PPP2R3A: variants seen among roughly 807,000 people sequenced by gnomAD.
PPP2R3A encodes the protein protein phosphatase 2 regulatory subunit B''alpha.
In PPP2R3A, 80 loss-of-function variants were observed where a neutral mutation model predicts 106.9. That is an observed-to-expected ratio of 0.75 (90% CI 0.62 to 0.90). The LOEUF (loss-of-function observed/expected upper bound fraction) is 0.90. Ranked by LOEUF, PPP2R3A falls within the 40% of genes least tolerant of loss-of-function variation. PPP2R3A has a pLI of 0.00. For synonymous variants in PPP2R3A, 483 were observed against 468.3 expected (o/e 1.03, Z -0.41); for missense variants, 1,386 against 1,350.4 (o/e 1.03, Z -0.41).
chr3:136,049,225 A>T, intron 4 of PPP2R3A, 34 bp from the exon 5 acceptor site: 3 of 1,476,576 alleles, frequency 2.0e-6, no homozygotes, highest in Non-Finnish European at 2.8e-6. Flanking sequence ...TGTTCAGAGG[A>T]ACTAATCTTC....
chr3:135,992,746 C>T (rs962873216), intron 1 of PPP2R3A, among the ~76,000 whole-genome samples: 1 of 151,806 alleles, frequency 6.6e-6, no homozygotes, highest in Non-Finnish European at 1.5e-5. Flanking sequence ...GTGAAGAGAC[C>T]GGAGTTAAAG....
At chr3:136,122,113 C>T (rs1938017663) in intron 13 of PPP2R3A, among the ~76,000 whole-genome samples, 1 of 152,024 alleles carries the variant, frequency 6.6e-6, no homozygotes, top group African/African-American at 2.4e-5. Flanking sequence ...AAATTTGTAG[C>T]CTGTATACTG....
rs1933721527 is a variant in PPP2R3A at position 136,003,365 on chromosome 3, C to G, written c.1867C>G (p.Gln623Glu). 1 of 1,613,966 alleles carries G rather than the reference C, an allele frequency of 6.2e-7. No homozygotes were observed. The highest frequency in any genetic ancestry group is 8.5e-7 in the Non-Finnish European group (1 of 1,179,952). The change falls in exon 2 of 14, where the codon CAA (glutamine) becomes GAA (glutamate). Residue 623 changes from glutamine (Q) to glutamate (E), a missense_variant. Coordinates refer to ENST00000264977, the MANE Select transcript of PPP2R3A (RefSeq NM_002718.5). Reference sequence around the variant, plus strand: ...CCTATCACAAGAAAAGGAAATGATGCAAATTCTACAGGAAACCTTGACAAC... The same window carrying G: ...CCTATCACAAGAAAAGGAAATGATGGAAATTCTACAGGAAACCTTGACAAC... ...GSLSQEKEMMQILQETLTTSS... is the reference protein window; with the variant it reads ...GSLSQEKEMMEILQETLTTSS...
At chr3:136,024,356 A>G (rs921915953) in intron 2 of PPP2R3A, among the ~76,000 whole-genome samples, 8 of 152,174 alleles carry the variant, frequency 5.3e-5, no homozygotes, top group Non-Finnish European at 1.2e-4. Flanking sequence ...AAGTAAATTG[A>G]GTATCCAAAA....
intron 2 of PPP2R3A, among the ~76,000 whole-genome samples, chr3:136,024,866 A>G (rs1934592025): frequency 6.6e-6 from 1 of 152,184 alleles, no homozygotes; most frequent in Non-Finnish European, 1.5e-5. Flanking sequence ...GAATTTTAAG[A>G]ACACTTTGAA....
At chr3:136,003,561 A>G in intron 2 of PPP2R3A, 68 bp downstream of exon 2, 1 of 1,435,370 alleles carries the variant, frequency 7.0e-7, no homozygotes, top group Non-Finnish European at 9.3e-7. Flanking sequence ...AATTTTATAA[A>G]GAAAAACTTT....
intron 9 of PPP2R3A, among the ~76,000 whole-genome samples, chr3:136,089,125 G>A (rs982591777): frequency 3.3e-5 from 5 of 152,226 alleles, no homozygotes; most frequent in African/African-American, 1.2e-4. Context: ...TGTTGCAGTT[G>A]CTTTTGAGGA....
At position 136,147,024 on chromosome 3, in the gene PPP2R3A, G is replaced by C. The variant is rs1460227592; in HGVS notation, c.*1858G>C. On this transcript the variant is annotated 3_prime_UTR_variant, in exon 14 of 14. Coordinates refer to ENST00000264977, the MANE Select transcript of PPP2R3A (RefSeq NM_002718.5). ...TATTTGGCTTTACCTTTTTACCTTG[G>C]TTCTCCTTACTGAAGTCCTCTTGCT... The C allele has an allele frequency of 6.6e-6, 1 of 151,020 alleles. No homozygotes were observed. Among genetic ancestry groups the C allele is most frequent in the Admixed American group, 6.6e-5 (1 of 15,128 alleles). The allele number at this position is 151,020 out of a possible 1,614,324, so 9.4% of individuals were successfully genotyped here. A position where few individuals can be genotyped will look rare whatever the true frequency, so the allele number is the denominator to read the frequency against.
At chr3:136,041,792 C>A (rs1464687587) in intron 4 of PPP2R3A, among the ~76,000 whole-genome samples, 2 of 152,204 alleles carry the variant, frequency 1.3e-5, no homozygotes, top group Non-Finnish European at 2.9e-5. Context: ...ATTTATCAAG[C>A]TTTTCCTGGA....
chr3:136,092,194 G>C (rs937784769), intron 10 of PPP2R3A, among the ~76,000 whole-genome samples: 2 of 152,262 alleles, frequency 1.3e-5, no homozygotes, highest in African/African-American at 4.8e-5. Context: ...GCCAGGCGTG[G>C]TGATACATGC....
At chr3:135,981,454 G>GT (rs1937538219) in intron 1 of PPP2R3A, among the ~76,000 whole-genome samples, 1 of 151,886 alleles carries the variant, frequency 6.6e-6, no homozygotes, top group African/African-American at 2.4e-5. Context: ...GATGGAGCCA[G>GT]TTAGCCCTTC....
At chr3:136,030,778 A>ATATATATATATATATATGTG (rs1206335696) in intron 3 of PPP2R3A, among the ~76,000 whole-genome samples, 1 of 111,260 alleles carries the variant, frequency 9.0e-6, no homozygotes, top group African/African-American at 3.4e-5. Flanking sequence ...ATATATATAT[A>ATATATATATATATATATGTG]TATGTATGTA....
chr3:136,040,756 A>G, intron 3 of PPP2R3A, 103 bp from the exon 4 acceptor site: 1 of 887,052 alleles, frequency 1.1e-6, no homozygotes, highest in Non-Finnish European at 1.7e-6. Flanking sequence ...GGGCTCTTCC[A>G]TCCACTGTGG....
chr3:135,967,760 C>T (rs779439650), intron 1 of PPP2R3A, among the ~76,000 whole-genome samples: 2 of 152,136 alleles, frequency 1.3e-5, no homozygotes, highest in Non-Finnish European at 2.9e-5. Flanking sequence ...TTAAAAATCA[C>T]CACCCTCAGA....
chr3:135,992,208 C>A (rs1933197109), intron 1 of PPP2R3A, among the ~76,000 whole-genome samples: 1 of 152,136 alleles, frequency 6.6e-6, no homozygotes, highest in Non-Finnish European at 1.5e-5. Context: ...ACTGAGTCAT[C>A]CACCCAAGAT....
At chr3:136,023,693 G>C (rs534548379) in intron 2 of PPP2R3A, among the ~76,000 whole-genome samples, 5 of 151,994 alleles carry the variant, frequency 3.3e-5, no homozygotes, top group African/African-American at 1.2e-4. Context: ...AGACGTATTT[G>C]TCTATATAGA....
At position 136,078,433 on chromosome 3, in the gene PPP2R3A, AG is replaced by A; in HGVS notation, c.2612del (p.Arg871LysfsTer9). 1 of 1,605,066 alleles carries A rather than the reference AG, an allele frequency of 6.2e-7. No individual in the cohort carries two copies. ...WSGKITSTEI[R>X]KSNFLQTLAL... is the part of the protein sequence containing the mutation. ...TGGAAAAATTACTTCGACAGAGATA[AG>A]AAAAAGCAACTTTTTGCAAGTATGC... On this transcript the variant is annotated frameshift_variant, in exon 7 of 14. Transcript: ENST00000264977. LOFTEE classifies it high-confidence loss of function.
chr3:136,107,612 C>A (rs1937539529), intron 13 of PPP2R3A, among the ~76,000 whole-genome samples: 1 of 151,970 alleles, frequency 6.6e-6, no homozygotes, highest in African/African-American at 2.4e-5. Context: ...CCATTTTATA[C>A]CTCTACCATT....
chr3:136,130,144 T>C (rs531676091), intron 13 of PPP2R3A, among the ~76,000 whole-genome samples: 3 of 152,176 alleles, frequency 2.0e-5, no homozygotes, highest in East Asian at 1.9e-4. Flanking sequence ...CTATTCAACA[T>C]AGTATTGGAA....
Sources: gnomAD v4.1 joint callset for allele counts (sites outside exome capture counted in the v4.1 genomes callset) on GRCh38, gnomAD v4.1.1 for gene constraint, MANE v1.5 for transcripts, NCBI Gene and HGNC (gene_info 2026-07-23, HGNC 2026-07-21) for gene names.